The following RBM19 variants were observed in gnomAD, a reference collection of about 807,000 sequenced individuals.
RBM19 encodes RNA binding motif protein 19, also known as probable RNA-binding protein 19.
In RBM19, 94 loss-of-function variants were observed where a neutral mutation model predicts 116.8. That is an observed-to-expected ratio of 0.80 (90% CI 0.68 to 0.95). RBM19 has a LOEUF of 0.95. RBM19 is among the 40% of genes least tolerant of loss of function. The pLI is 0.00. For missense variants in RBM19, 1,161 were observed against 1,220.7 expected (o/e 0.95, Z 0.73); for synonymous variants, 475 against 494.1 (o/e 0.96, Z 0.51).
In RBM19 at chr12:113,869,895, G is replaced by A. The variant is rs182837825; in HGVS notation, c.2559-10999C>T. On this transcript the variant is annotated intron_variant, in intron 21 of 23. Coordinates refer to ENST00000261741, the MANE Select transcript of RBM19 (RefSeq NM_016196.4). ...AGTCACCAGCTGTGGTGAACATTGT[G>A]CCTAACTTGACACCCTTTGTTTTGC... Among the ~76,000 whole-genome samples, 10 of 152,336 alleles carry A rather than the reference G, an allele frequency of 6.6e-5. No individual in the cohort carries two copies. In the East Asian group the frequency reaches 1.7e-3, roughly 26 times the overall value.
At chr12:113,837,718 T>C (rs1019330192) in intron 23 of RBM19, among the ~76,000 whole-genome samples, 1 of 152,380 alleles carries the variant, frequency 6.6e-6, no homozygotes, top group African/African-American at 2.4e-5. Flanking sequence ...CAGGTTTGAA[T>C]CCTGGCTCTG....
rs551075701 is a variant in RBM19 at position 113,965,703 on chromosome 12, G to C, written c.36+489C>G. Among the ~76,000 whole-genome samples the C allele has an allele frequency of 7.2e-5, 11 of 152,280 alleles. No homozygotes were observed. In the East Asian group the frequency reaches 7.7e-4, roughly 11 times the overall value. ...CTGGGTCACCACTCCCCACTTACTGGATAAATGCTGTAAAGCCCTTTACCC... is the reference window on the plus strand; with the variant it reads ...CTGGGTCACCACTCCCCACTTACTGCATAAATGCTGTAAAGCCCTTTACCC... On this transcript the variant is annotated intron_variant, in intron 1 of 23. Transcript: ENST00000261741.
chr12:113,962,913 T>A (rs180881376), intron 1 of RBM19, among the ~76,000 whole-genome samples: 48 of 152,314 alleles, frequency 3.2e-4, no homozygotes, highest in African/African-American at 1.1e-3. Flanking sequence ...GATGGGGAGA[T>A]GATCTGGATT....
chr12:113,856,742 A>C (rs1350424129), intron 22 of RBM19, among the ~76,000 whole-genome samples: 1 of 152,228 alleles, frequency 6.6e-6, no homozygotes, highest in East Asian at 1.9e-4. Flanking sequence ...ATTTCAGACC[A>C]TCACCACTGT....
intron 21 of RBM19, among the ~76,000 whole-genome samples, chr12:113,900,367 G>C (rs1476016570): frequency 6.6e-6 from 1 of 152,148 alleles, no homozygotes; most frequent in Non-Finnish European, 1.5e-5. Flanking sequence ...TATCAAAGAC[G>C]CTGGCCCCAC....
chr12:113,911,017 C>G (rs1469125020), intron 21 of RBM19, among the ~76,000 whole-genome samples: 2 of 146,688 alleles, frequency 1.4e-5, no homozygotes, highest in Non-Finnish European at 3.0e-5. Flanking sequence ...ACATGTGCAA[C>G]ATACCTACTC....
chr12:113,895,633 TAGA>T (rs1261506267), intron 21 of RBM19, among the ~76,000 whole-genome samples: 2 of 152,108 alleles, frequency 1.3e-5, no homozygotes, highest in Non-Finnish European at 2.9e-5. Context: ...GACAAAGATC[TAGA>T]AGGAGATTCG....
intron 16 of RBM19, among the ~76,000 whole-genome samples, chr12:113,931,926 C>G (rs185079752): frequency 6.4e-4 from 98 of 152,340 alleles, no homozygotes; most frequent in Middle Eastern, 3.4e-3. Flanking sequence ...GCTCCTCTAT[C>G]TGTGCTCCCC....
chr12:113,885,709 A>C (rs1218155320), intron 21 of RBM19, among the ~76,000 whole-genome samples: 3 of 152,210 alleles, frequency 2.0e-5, no homozygotes, highest in African/African-American at 7.2e-5. Context: ...CAGTATGGGA[A>C]TATAGAGAGA....
At chr12:113,934,216 A>G (rs1474285518) in intron 16 of RBM19, among the ~76,000 whole-genome samples, 1 of 152,180 alleles carries the variant, frequency 6.6e-6, no homozygotes, top group African/African-American at 2.4e-5. Context: ...GCCTCCCAAG[A>G]TGCACTGTGA....
chr12:113,849,237 T>C (rs1332373804), intron 22 of RBM19, among the ~76,000 whole-genome samples: 3 of 152,222 alleles, frequency 2.0e-5, no homozygotes, highest in Non-Finnish European at 4.4e-5. Context: ...TGACTCAATC[T>C]TGAACCCTGG....
chr12:113,937,064 T>C lies in RBM19; in HGVS notation c.2011A>G (p.Lys671Glu). 1 of 1,614,094 alleles carries C rather than the reference T, an allele frequency of 6.2e-7. No individual in the cohort carries two copies. Among genetic ancestry groups the C allele is most frequent in the African/African-American group, 1.3e-5 (1 of 74,988 alleles). The part of the protein sequence containing the change: ...VFSSTAPQKK[K>E]LQDTPSEPME... ...GGTTCTGAAGGTGTGTCTTGGAGCTTTTTCTTCTGTGGGGCTGTGCTGGAG... is the reference window on the plus strand; with the variant it reads ...GGTTCTGAAGGTGTGTCTTGGAGCTCTTTCTTCTGTGGGGCTGTGCTGGAG... The change falls in exon 16 of 24, where the codon AAG becomes GAG. Residue 671 changes from lysine to glutamate, a missense_variant. Transcript: ENST00000261741.
chr12:113,957,470 G>C (rs1872042582), intron 6 of RBM19, among the ~76,000 whole-genome samples: 1 of 152,128 alleles, frequency 6.6e-6, no homozygotes, highest in Non-Finnish European at 1.5e-5. Context: ...AGGAGGCTGA[G>C]GCAGAAGAAT....
intron 21 of RBM19, among the ~76,000 whole-genome samples, chr12:113,876,244 G>C (rs1565991367): frequency 6.6e-6 from 1 of 152,156 alleles, no homozygotes; most frequent in Non-Finnish European, 1.5e-5. Flanking sequence ...ACCTATGCTG[G>C]GAGTGGCTGC....
intron 4 of RBM19, 53 bp downstream of exon 4, chr12:113,959,810 CCT>C: frequency 6.3e-7 from 1 of 1,596,444 alleles, no homozygotes; most frequent in South Asian, 1.1e-5. Context: ...CAGTCTCCAC[CCT>C]CTTCCACCTG....
At chr12:113,888,199 G>A (rs1880676536) in intron 21 of RBM19, among the ~76,000 whole-genome samples, 1 of 152,172 alleles carries the variant, frequency 6.6e-6, no homozygotes, top group South Asian at 2.1e-4. Flanking sequence ...GCCAGCATGT[G>A]CACTGCTTTT....
At position 113,958,183 on chromosome 12, in the gene RBM19, A is replaced by G. The variant is rs140005359; in HGVS notation, c.572-133T>C. 8.1e-6 allele frequency: 12 copies of G among 1,474,948 alleles called. No individual in the cohort carries two copies. In the East Asian group the frequency reaches 2.8e-4, roughly 34 times the overall value. The allele number at this position is 1,474,948 out of a possible 1,614,324, so 91.4% of individuals were successfully genotyped here. ...CACCGTGTCCATGGCCCCTGTGCCC[A>G]GCATCCCCCATAAGTCCTCTGATTA... On this transcript the variant is annotated intron_variant, in intron 5 of 23. Coordinates refer to ENST00000261741, the MANE Select transcript of RBM19 (RefSeq NM_016196.4).
chr12:113,918,539 G>A lies in RBM19; in HGVS notation c.2386-92C>T, dbSNP rs1427223162. 8 of 1,366,224 alleles carry A rather than the reference G, an allele frequency of 5.9e-6. No homozygotes were observed. In the African/African-American group the frequency reaches 7.2e-5, roughly 12 times the overall value. 84.6% of individuals were successfully genotyped at this position (1,366,224 alleles called of 1,614,324 possible). ...CACCAGAGCAGAGCCCTGGCTCGCA[G>A]ATGGGAGCCTGATTGTTCCCCGGGG... On this transcript the variant is annotated intron_variant, in intron 19 of 23. Coordinates refer to ENST00000261741, the MANE Select transcript of RBM19 (RefSeq NM_016196.4).
chr12:113,881,908 G>C (rs563858917), intron 21 of RBM19, among the ~76,000 whole-genome samples: 1 of 152,380 alleles, frequency 6.6e-6, no homozygotes, highest in East Asian at 1.9e-4. Flanking sequence ...AAGCCTTCCT[G>C]CAGAGACGAC....
Sources: allele counts gnomAD v4.1 joint callset (sites outside exome capture counted in the v4.1 genomes callset), GRCh38; gene constraint gnomAD v4.1.1; transcripts MANE v1.5; gene names NCBI Gene and HGNC (gene_info 2026-07-23, HGNC 2026-07-21).